SPATA6L: variants seen among roughly 807,000 people sequenced by gnomAD.
SPATA6L encodes the protein spermatogenesis associated 6-like protein.
SPATA6L carries 68 observed loss-of-function variants against 49.2 expected under a neutral mutation model. The ratio of observed to expected loss-of-function variants is 1.38; its 90% CI spans 1.14 to 1.69. SPATA6L has a LOEUF of 1.69. Ranked by LOEUF, SPATA6L falls within the 40% of genes most tolerant of loss-of-function variation. SPATA6L has a pLI of 0.00. For missense variants in SPATA6L, 668 were observed against 464.3 expected, an observed-to-expected ratio of 1.44 and a Z score of -4.03; for synonymous variants, 198 against 165.7, an observed-to-expected ratio of 1.19 and a Z score of -1.50.
chr9:4,656,293 GC>G (rs1194358906), intron 2 of SPATA6L, among the ~76,000 whole-genome samples: 2 of 152,082 alleles, frequency 1.3e-5, no homozygotes, highest in Admixed American at 1.3e-4. Flanking sequence ...ACAAAAGTTA[GC>G]TGGGCATGGT....
Position 4,656,077 on chromosome 9 carries a change from C to T in SPATA6L, c.190G>A (p.Ala64Thr), listed in dbSNP as rs1167173103. ...SMRFEKVFES[A>T]VDPGAVVDLL... is the part of the protein sequence containing the mutation. ...TCTACTACAGCTCCAGGATCTACTG[C>T]ACTTTCAAATACCTGCAGAGAAAAA... is the stretch of plus-strand genomic sequence containing the variant. The change falls in exon 3 of 12, where the codon GCA becomes ACA. Residue 64 changes from alanine to threonine, a missense_variant. Ala to Thr is a moderately conservative substitution (Grantham distance 58). Coordinates refer to ENST00000682582, the MANE Select transcript of SPATA6L (RefSeq NM_001353486.2). The T allele has an allele frequency of 6.2e-7, 1 of 1,612,666 alleles. No individual in the cohort carries two copies. The highest frequency in any genetic ancestry group is 8.5e-7 in the Non-Finnish European group (1 of 1,179,360).
intron 13 of SPATA6L, among the ~76,000 whole-genome samples, chr9:4,590,335 G>A (rs140916922): frequency 1.6e-3 from 241 of 152,288 alleles, no homozygotes; most frequent in African/African-American, 5.2e-3. Flanking sequence ...TGGGCTGCAT[G>A]CACAGTGCCA....
At position 4,625,433 on chromosome 9, in the gene SPATA6L, G is replaced by C. The variant is rs188220301; in HGVS notation, c.563C>G (p.Ser188Cys). The change falls in exon 6 of 12, where the codon TCT becomes TGT. Residue 188 changes from serine to cysteine, a missense_variant. Physicochemically the swap from Ser to Cys is moderately radical, Grantham distance 112. Transcript: ENST00000682582. ...GAAGAAATGCCTGGTAGAATATTGA[G>C]AGGGCGCCCGGGCTTGCATGCCTTT... is the stretch of plus-strand genomic sequence containing the variant. ...LPKGMQARAPSQYSTRHFFQD... is the reference protein window; with the variant it reads ...LPKGMQARAPCQYSTRHFFQD... 3.5e-4 allele frequency: 558 copies of C among 1,614,150 alleles called. 2 individuals carry two copies. The African/African-American group carries it at 6.6e-3, about 19-fold the overall frequency.
intron 6 of SPATA6L, among the ~76,000 whole-genome samples, chr9:4,623,178 G>A (rs1490198164): frequency 2.0e-5 from 3 of 152,166 alleles, no homozygotes; most frequent in Non-Finnish European, 2.9e-5. Context: ...TACTCTGGAG[G>A]CTGAGGCAGG....
chr9:4,610,323 C>G (rs1030059242), intron 9 of SPATA6L, among the ~76,000 whole-genome samples: 8 of 148,646 alleles, frequency 5.4e-5, no homozygotes, highest in South Asian at 4.4e-4. Flanking sequence ...AACCAAAAAA[C>G]AGCCCGCATC....
intron 2 of SPATA6L, among the ~76,000 whole-genome samples, chr9:4,657,614 A>G (rs776872069): frequency 3.3e-5 from 5 of 152,194 alleles, no homozygotes; most frequent in Non-Finnish European, 7.3e-5. Context: ...CGATTCATAA[A>G]CTAGGCAGCA....
rs77311269 is a variant in SPATA6L, at chr9:4,598,763, G to A, written c.*2048C>T. The stretch of plus-strand genomic sequence containing the variant: ...CTGAGACTTATAGCGTAACCTTAAT[G>A]TAACACAATATTTTCTTACTTTTGA... On this transcript the variant is annotated 3_prime_UTR_variant, in exon 12 of 12. Transcript: ENST00000682582. Among the ~76,000 whole-genome samples, 732 of 152,338 alleles carry A rather than the reference G, an allele frequency of 4.8e-3. 5 individuals are homozygous for A. The highest frequency in any genetic ancestry group is 8.6e-3 in the Non-Finnish European group (585 of 68,028).
intron 2 of SPATA6L, among the ~76,000 whole-genome samples, chr9:4,658,762 C>A (rs939490125): frequency 6.6e-6 from 1 of 152,008 alleles, no homozygotes; most frequent in Non-Finnish European, 1.5e-5. Flanking sequence ...AAGGCCAAGG[C>A]GGGCAGATCA....
intron 3 of SPATA6L, among the ~76,000 whole-genome samples, chr9:4,648,780 G>C (rs1201018641): frequency 6.6e-6 from 1 of 152,014 alleles, no homozygotes; most frequent in Non-Finnish European, 1.5e-5. Flanking sequence ...CATCACCCGA[G>C]CAGTACACAC....
downstream of SPATA6L, among the ~76,000 whole-genome samples, chr9:4,594,778 A>G (rs926604379): frequency 1.3e-5 from 2 of 152,140 alleles, no homozygotes; most frequent in Admixed American, 6.5e-5. Flanking sequence ...TTCTCTTCCC[A>G]CGTAATTCTT....
At chr9:4,626,407 C>CA in intron 5 of SPATA6L, 3 of 1,302,598 alleles carry the variant, frequency 2.3e-6, no homozygotes, top group Non-Finnish European at 2.0e-6. Flanking sequence ...ATCTGAGTTC[C>CA]AGCTCATCCA....
In SPATA6L at chr9:4,625,600, T is replaced by A. The variant is rs376310010; in HGVS notation, c.430-34A>T. The A allele has an allele frequency of 2.3e-5, 32 of 1,410,418 alleles. No homozygotes were observed. In the African/African-American group the frequency reaches 4.3e-4, roughly 19 times the overall value. 87.4% of individuals were successfully genotyped at this position (1,410,418 alleles called of 1,614,324 possible). ...AACAAAAAAAGAATATTTTTTAAAA[T>A]AAAGAAAGAAAAGAAGAAAATTCAA... On this transcript the variant is annotated intron_variant, in intron 5 of 11. Coordinates refer to ENST00000682582, the MANE Select transcript of SPATA6L (RefSeq NM_001353486.2).
At chr9:4,592,310 A>T (rs962893302) in intron 13 of SPATA6L, among the ~76,000 whole-genome samples, 3 of 92,640 alleles carry the variant, frequency 3.2e-5, no homozygotes, top group African/African-American at 1.1e-4. Context: ...GGGAGACTCC[A>T]TCTCAAAAAA....
intron 3 of SPATA6L, among the ~76,000 whole-genome samples, chr9:4,651,106 A>G (rs1233852754): frequency 6.6e-6 from 1 of 152,060 alleles, no homozygotes; most frequent in Non-Finnish European, 1.5e-5. Flanking sequence ...TGACTCAAGC[A>G]ATCCTTTCAC....
chr9:4,648,564 G>C (rs933349424), intron 3 of SPATA6L, among the ~76,000 whole-genome samples: 6 of 151,784 alleles, frequency 4.0e-5, no homozygotes, highest in Non-Finnish European at 7.4e-5. Flanking sequence ...GCCGGGCGTG[G>C]TGGCGGGAGC....
intron 3 of SPATA6L, among the ~76,000 whole-genome samples, chr9:4,638,493 G>A (rs943646811): frequency 1.3e-5 from 2 of 152,158 alleles, no homozygotes; most frequent in African/African-American, 4.8e-5. Context: ...GATTACAGGT[G>A]TGAGCCACCA....
chr9:4,629,021 G>T (rs1395995293), intron 5 of SPATA6L, 70 bp downstream of exon 5: 5 of 1,114,862 alleles, frequency 4.5e-6, no homozygotes, highest in Non-Finnish European at 5.2e-6. Flanking sequence ...ACTGAGTTTG[G>T]GCAAAAATTC....
rs527443744 is a variant in SPATA6L, at chr9:4,642,980, T to C, written c.227-7581A>G. On this transcript the variant is annotated intron_variant, in intron 3 of 11. Coordinates refer to ENST00000682582, the MANE Select transcript of SPATA6L (RefSeq NM_001353486.2). ...GTCACAGTCACATCTAAAAGGGAGA[T>C]AGATCATAAAATAGGATAAAATATA... is the stretch of plus-strand genomic sequence containing the variant. Among the ~76,000 whole-genome samples the C allele has an allele frequency of 3.7e-4, 57 of 152,224 alleles. 1 individual carries two copies. In the Middle Eastern group the frequency reaches 0.01, roughly 27 times the overall value.
At position 4,620,241 on chromosome 9, in the gene SPATA6L, T is replaced by C. The variant is rs1587118664; in HGVS notation, c.773-1343A>G. Among the ~76,000 whole-genome samples, 4 of 151,960 alleles carry C rather than the reference T, an allele frequency of 2.6e-5. No homozygotes were observed. The South Asian group carries it at 8.3e-4, about 32-fold the overall frequency. ...ATAACCTCCTTCCCCTGTGGATTCA[T>C]AACATGTGGTCTCATAACCTCCTTC... On this transcript the variant is annotated intron_variant, in intron 7 of 11. Transcript: ENST00000682582.
Sources: allele counts gnomAD v4.1 joint callset (sites outside exome capture counted in the v4.1 genomes callset), GRCh38; gene constraint gnomAD v4.1.1; transcripts MANE v1.5; gene names NCBI Gene and HGNC (gene_info 2026-07-23, HGNC 2026-07-21).